The following MARK3 variants were observed in gnomAD, a reference collection of about 807,000 sequenced individuals.
The protein encoded by MARK3 is MAP/microtubule affinity-regulating kinase 3.
Under a neutral mutation model 90.1 loss-of-function variants are expected in MARK3, and 46 were observed. That is an observed-to-expected ratio of 0.51 (90% confidence interval 0.40 to 0.65). MARK3 has a LOEUF of 0.65. Ranked by LOEUF, MARK3 falls within the 30% of genes least tolerant of loss-of-function variation. The pLI is 0.00. For missense variants in MARK3, 818 were observed against 947.2 expected (o/e 0.86, Z 1.79); for synonymous variants, 321 against 332.6 (o/e 0.97, Z 0.38).
intron 2 of MARK3, among the ~76,000 whole-genome samples, chr14:103,413,370 C>CA (rs1175864455): frequency 1.3e-5 from 2 of 149,238 alleles, no homozygotes; most frequent in Non-Finnish European, 3.0e-5. Context: ...ATTTGGGAAA[C>CA]TTTTGATCTC....
intron 14 of MARK3, 194 bp from the exon 15 acceptor site, chr14:103,491,583 G>T (rs1194152440): frequency 1.7e-6 from 1 of 582,806 alleles, no homozygotes; most frequent in South Asian, 2.1e-5. Context: ...ACTCCATGAG[G>T]CTTTGTCTCA....
chr14:103,497,983 G>T (rs1337516488), intron 15 of MARK3, among the ~76,000 whole-genome samples: 1 of 152,124 alleles, frequency 6.6e-6, no homozygotes, highest in African/African-American at 2.4e-5. Flanking sequence ...CTGGGAGGCC[G>T]AGGTGGGCTG....
intron 3 of MARK3, among the ~76,000 whole-genome samples, chr14:103,435,871 A>G (rs1163092954): frequency 6.6e-6 from 1 of 151,594 alleles, no homozygotes; most frequent in Non-Finnish European, 1.5e-5. Flanking sequence ...GGCGCGCACC[A>G]CCACACCCAA....
At chr14:103,425,714 T>C (rs193054575) in intron 2 of MARK3, among the ~76,000 whole-genome samples, 4 of 152,360 alleles carry the variant, frequency 2.6e-5, no homozygotes, top group East Asian at 1.9e-4. Context: ...CTGAAACTTA[T>C]GTTTTCCAAA....
intron 14 of MARK3, among the ~76,000 whole-genome samples, chr14:103,488,526 C>T (rs2093968139): frequency 6.6e-6 from 1 of 152,170 alleles, no homozygotes; most frequent in South Asian, 2.1e-4. Flanking sequence ...TATAAATTCT[C>T]CCAAGTCAGA....
chr14:103,479,581 C>T (rs1409832678), intron 13 of MARK3, among the ~76,000 whole-genome samples: 1 of 146,598 alleles, frequency 6.8e-6, no homozygotes, highest in Non-Finnish European at 1.5e-5. Flanking sequence ...CTTTAATGAC[C>T]AATGATATTG....
intron 15 of MARK3, among the ~76,000 whole-genome samples, chr14:103,494,897 C>T (rs2142064877): frequency 6.6e-6 from 1 of 152,176 alleles, no homozygotes; most frequent in South Asian, 2.1e-4. Flanking sequence ...CCAGCCAAAG[C>T]TACCATTATT....
chr14:103,403,251 C>T (rs1378848788), intron 1 of MARK3, among the ~76,000 whole-genome samples: 2 of 151,674 alleles, frequency 1.3e-5, no homozygotes, highest in Non-Finnish European at 2.9e-5. Flanking sequence ...GATAGTAAAA[C>T]CACTTGATAC....
intron 1 of MARK3, among the ~76,000 whole-genome samples, chr14:103,398,700 A>G (rs138079498): frequency 1.3e-5 from 2 of 152,316 alleles, no homozygotes; most frequent in African/African-American, 4.8e-5. Flanking sequence ...AAATTGTTCA[A>G]TCTTATCAAA....
chr14:103,399,719 A>G (rs960476226), intron 1 of MARK3, among the ~76,000 whole-genome samples: 2 of 151,534 alleles, frequency 1.3e-5, no homozygotes, highest in South Asian at 2.1e-4. Flanking sequence ...AAAAGAAAAA[A>G]AAAAAAAAGA....
intron 1 of MARK3, among the ~76,000 whole-genome samples, chr14:103,390,180 G>A (rs572196024): frequency 3.3e-5 from 5 of 151,978 alleles, no homozygotes; most frequent in African/African-American, 4.8e-5. Flanking sequence ...CCCGGGAGGC[G>A]GAGCTTGCAG....
chr14:103,472,960 T>A (rs572750906), intron 12 of MARK3, among the ~76,000 whole-genome samples: 82 of 150,054 alleles, frequency 5.5e-4, no homozygotes, highest in Non-Finnish European at 8.6e-4. Flanking sequence ...GAGCCAAGAT[T>A]GAGCCACTGC....
chr14:103,470,647 G>C (rs1056401508), intron 12 of MARK3, among the ~76,000 whole-genome samples: 7 of 150,934 alleles, frequency 4.6e-5, no homozygotes, highest in African/African-American at 1.5e-4. Flanking sequence ...GTAGAGACGG[G>C]GTTTCACCAC....
intron 3 of MARK3, among the ~76,000 whole-genome samples, chr14:103,434,070 A>T (rs1480366958): frequency 6.6e-6 from 1 of 152,022 alleles, no homozygotes; most frequent in Non-Finnish European, 1.5e-5. Context: ...GCCAGAGAGA[A>T]CCATTTGACA....
chr14:103,477,739 G>A (rs576850700), intron 13 of MARK3, among the ~76,000 whole-genome samples: 3 of 151,876 alleles, frequency 2.0e-5, no homozygotes, highest in African/African-American at 7.3e-5. Flanking sequence ...TAATCTCAGC[G>A]CTTTGGGAGG....
intron 1 of MARK3, among the ~76,000 whole-genome samples, chr14:103,395,126 T>C (rs2090499041): frequency 6.6e-6 from 1 of 152,128 alleles, no homozygotes; most frequent in African/African-American, 2.4e-5. Flanking sequence ...GGAAAGAGTC[T>C]GGGCTTGAAA....
At chr14:103,393,371 GC>G (rs1244677360) in intron 1 of MARK3, among the ~76,000 whole-genome samples, 1 of 152,106 alleles carries the variant, frequency 6.6e-6, no homozygotes, top group African/African-American at 2.4e-5. Context: ...TATAGTTTCA[GC>G]TACTCAGGAG....
At chr14:103,400,868 C>T (rs2090911076) in intron 1 of MARK3, among the ~76,000 whole-genome samples, 1 of 135,824 alleles carries the variant, frequency 7.4e-6, no homozygotes, top group Non-Finnish European at 1.5e-5. Flanking sequence ...TACTGTACTC[C>T]AGCCTGGGCA....
chr14:103,396,863 A>G (rs948646965), intron 1 of MARK3, among the ~76,000 whole-genome samples: 27 of 152,122 alleles, frequency 1.8e-4, no homozygotes, highest in Non-Finnish European at 3.4e-4. Context: ...CACAGTAGCA[A>G]CTAGCCACAT....
Sources: allele counts gnomAD v4.1 joint callset (sites outside exome capture counted in the v4.1 genomes callset), GRCh38; gene constraint gnomAD v4.1.1; transcripts MANE v1.5; gene names NCBI Gene and HGNC (gene_info 2026-07-23, HGNC 2026-07-21).